EPHA6: variants seen among roughly 807,000 people sequenced by gnomAD.
EPHA6 encodes the protein ephrin type-A receptor 6.
A neutral mutation model predicts 112.0 loss-of-function variants in EPHA6; 50 were observed. The observed-to-expected ratio is 0.45, with a 90% CI of 0.36 to 0.56. EPHA6 has a LOEUF of 0.56. Among genes scored for constraint, EPHA6 ranks in the 20% least tolerant of loss-of-function variants. The pLI is 0.00. For missense variants in EPHA6, 1,280 were observed against 1,417.4 expected, an observed-to-expected ratio of 0.90 and a Z score of 1.56; for synonymous variants, 529 against 490.7, an observed-to-expected ratio of 1.08 and a Z score of -1.03.
intron 14 of EPHA6, among the ~76,000 whole-genome samples, chr3:97,647,524 G>A (rs1046156274): frequency 6.6e-6 from 1 of 152,102 alleles, no homozygotes. Flanking sequence ...ATTTAGATGA[G>A]AACTGAGGCC....
chr3:96,889,675 A>G (rs1467037425), intron 2 of EPHA6, among the ~76,000 whole-genome samples: 5 of 152,192 alleles, frequency 3.3e-5, no homozygotes, highest in Non-Finnish European at 7.3e-5. Flanking sequence ...CTCAGAGGCA[A>G]ACAATATCAG....
intron 5 of EPHA6, among the ~76,000 whole-genome samples, chr3:97,319,667 C>CAAAAAAAAAAAAAAAAAAAAAAAAAA (rs1340197693): frequency 1.8e-5 from 1 of 54,770 alleles, no homozygotes; most frequent in African/African-American, 6.2e-5. Flanking sequence ...GAGATTGTCT[C>CAAAAAAAAAAAAAAAAAAAAAAAAAA]AAAAAAAAAA....
chr3:97,317,893 A>G (rs76683399), intron 5 of EPHA6, among the ~76,000 whole-genome samples: 11,900 of 151,932 alleles, frequency 0.078, 951 homozygotes, highest in Admixed American at 0.21. Context: ...TGTTGGTTAT[A>G]AGGAGTGTTA....
chr3:97,458,428 G>A (rs1437714729), intron 7 of EPHA6, among the ~76,000 whole-genome samples: 1 of 151,894 alleles, frequency 6.6e-6, no homozygotes, highest in Non-Finnish European at 1.5e-5. Context: ...ATATTTGCTG[G>A]ATGCATAATC....
intron 1 of EPHA6, among the ~76,000 whole-genome samples, chr3:96,851,554 G>A (rs2035388835): frequency 6.6e-6 from 1 of 152,132 alleles, no homozygotes; most frequent in Admixed American, 6.6e-5. Context: ...TCTTTCCTGG[G>A]AGATAAATCA....
chr3:97,726,293 A>G (rs2107813672), intron 15 of EPHA6, among the ~76,000 whole-genome samples: 1 of 152,214 alleles, frequency 6.6e-6, no homozygotes, highest in East Asian at 1.9e-4. Context: ...TGGAAGTCCA[A>G]TTTTCAAAGG....
intron 5 of EPHA6, among the ~76,000 whole-genome samples, chr3:97,327,135 C>T (rs966711292): frequency 1.4e-4 from 21 of 151,582 alleles, no homozygotes; most frequent in African/African-American, 5.1e-4. Context: ...TTGAATTAAA[C>T]AGGAATGTTT....
At chr3:97,508,641 G>A (rs986587408) in intron 10 of EPHA6, among the ~76,000 whole-genome samples, 2 of 152,084 alleles carry the variant, frequency 1.3e-5, no homozygotes, top group African/African-American at 4.8e-5. Flanking sequence ...CTGTTGATTT[G>A]GGGTGGAGAG....
At chr3:96,870,539 C>T (rs2036573923) in intron 2 of EPHA6, among the ~76,000 whole-genome samples, 1 of 152,044 alleles carries the variant, frequency 6.6e-6, no homozygotes, top group Non-Finnish European at 1.5e-5. Flanking sequence ...TACACACACA[C>T]CTGGAAATAA....
chr3:97,708,975 A>C (rs2033823424), intron 14 of EPHA6, among the ~76,000 whole-genome samples: 1 of 152,192 alleles, frequency 6.6e-6, no homozygotes, highest in Non-Finnish European at 1.5e-5. Context: ...GTCCAGGCAG[A>C]AGTCTGTTGC....
At chr3:97,172,104 G>T (rs1379555688) in intron 3 of EPHA6, among the ~76,000 whole-genome samples, 6 of 151,926 alleles carry the variant, frequency 3.9e-5, no homozygotes, top group Non-Finnish European at 7.4e-5. Flanking sequence ...AAAAGTGGTG[G>T]GTGCTGTCTT....
At chr3:97,675,290 C>T (rs780667217) in intron 14 of EPHA6, among the ~76,000 whole-genome samples, 22 of 152,082 alleles carry the variant, frequency 1.4e-4, no homozygotes, top group Non-Finnish European at 2.9e-4. Flanking sequence ...ACCAACCTGG[C>T]CACCATGGTG....
At chr3:97,222,686 G>C (rs2078242797) in intron 3 of EPHA6, among the ~76,000 whole-genome samples, 1 of 152,100 alleles carries the variant, frequency 6.6e-6, no homozygotes, top group Non-Finnish European at 1.5e-5. Flanking sequence ...GCCATTACCA[G>C]ACCATGCATT....
At chr3:97,480,005 A>G (rs1482843549) in intron 9 of EPHA6, among the ~76,000 whole-genome samples, 2 of 152,188 alleles carry the variant, frequency 1.3e-5, no homozygotes, top group Admixed American at 1.3e-4. Flanking sequence ...GAGACACTGA[A>G]TTAACAAGAA....
intron 5 of EPHA6, among the ~76,000 whole-genome samples, chr3:97,297,795 G>A (rs180954527): frequency 5.3e-4 from 80 of 151,954 alleles, no homozygotes; most frequent in African/African-American, 1.3e-3. Context: ...ACAGAGTCTC[G>A]CTCTGTTGCC....
At chr3:96,954,461 C>T (rs777928543) in intron 2 of EPHA6, among the ~76,000 whole-genome samples, 5 of 152,114 alleles carry the variant, frequency 3.3e-5, no homozygotes, top group Non-Finnish European at 5.9e-5. Flanking sequence ...GTGCTTGCTC[C>T]CAAGTTATGT....
intron 5 of EPHA6, among the ~76,000 whole-genome samples, chr3:97,283,339 A>C (rs1411695757): frequency 6.6e-6 from 1 of 152,180 alleles, no homozygotes; most frequent in Non-Finnish European, 1.5e-5. Context: ...AATGGGAATA[A>C]ATATCTCAAA....
rs1347387422 is a variant in EPHA6, at chr3:97,757,141, G to A, written c.*8440G>A. ...CTAAAATTAAGGAAAACACTAAAAG[G>A]TAATACAGTACAAAGAGGAGTTTGT... On this transcript the variant is annotated 3_prime_UTR_variant, in exon 18 of 18. Coordinates refer to ENST00000389672, the MANE Select transcript of EPHA6 (RefSeq NM_001080448.3). 6.6e-6 allele frequency among the ~76,000 whole-genome samples: 1 copy of A among 151,710 alleles called. No individual in the cohort carries two copies. The highest frequency in any genetic ancestry group is 2.4e-5 in the African/African-American group (1 of 41,392).
At chr3:96,899,955 T>A (rs2038513584) in intron 2 of EPHA6, among the ~76,000 whole-genome samples, 1 of 152,188 alleles carries the variant, frequency 6.6e-6, no homozygotes, top group Non-Finnish European at 1.5e-5. Context: ...ATGTAATGAT[T>A]TTCTGTGAAT....
Sources: allele counts gnomAD v4.1 joint callset (sites outside exome capture counted in the v4.1 genomes callset), GRCh38; gene constraint gnomAD v4.1.1; transcripts MANE v1.5; gene names NCBI Gene and HGNC (gene_info 2026-07-23, HGNC 2026-07-21).